ADARB2: variants seen among roughly 807,000 people sequenced by gnomAD.
ADARB2 encodes inactive double-stranded RNA-specific editase B2.
Under a neutral mutation model 62.2 loss-of-function variants are expected in ADARB2, and 25 were observed. That is an observed-to-expected ratio of 0.40 (90% CI 0.29 to 0.56). The LOEUF is 0.56. ADARB2 is among the 20% of genes least tolerant of loss of function. The probability of loss-of-function intolerance (pLI) is 0.43; values close to 1 mark genes in which losing one functional copy is unlikely to be tolerated. For synonymous variants in ADARB2, 572 were observed against 500.8 expected (o/e 1.14, Z -1.90); for missense variants, 1,071 against 1,077.4 (o/e 0.99, Z 0.08).
At chr10:1,645,295 G>C (rs1423200652) in intron 1 of ADARB2, among the ~76,000 whole-genome samples, 1 of 152,222 alleles carries the variant, frequency 6.6e-6, no homozygotes, top group African/African-American at 2.4e-5. Flanking sequence ...AAAGCCTTAG[G>C]TGTGGCAGAA....
At chr10:1,375,775 T>C (rs2805505) in intron 2 of ADARB2, among the ~76,000 whole-genome samples, 7,466 of 151,652 alleles carry the variant, frequency 0.049, 646 homozygotes, top group African/African-American at 0.17. Context: ...CACGCACACA[T>C]GTGCACACAC....
intron 1 of ADARB2, among the ~76,000 whole-genome samples, chr10:1,605,937 C>T (rs892059934): frequency 3.3e-5 from 5 of 152,192 alleles, no homozygotes; most frequent in Non-Finnish European, 5.9e-5. Flanking sequence ...ATAGAACAAT[C>T]AGTTTGGGTG....
chr10:1,639,962 C>T (rs2119055707), intron 1 of ADARB2, among the ~76,000 whole-genome samples: 1 of 152,294 alleles, frequency 6.6e-6, no homozygotes, highest in East Asian at 1.9e-4. Context: ...CACAGTGGTT[C>T]TTTGTGGAAC....
At chr10:1,514,171 G>GGAGTA (rs1831975680) in intron 1 of ADARB2, among the ~76,000 whole-genome samples, 1 of 21,374 alleles carries the variant, frequency 4.7e-5, no homozygotes, top group Non-Finnish European at 9.1e-5. Context: ...GTGAGACGCT[G>GGAGTA]TCTCAAAATA....
At chr10:1,613,422 A>G (rs973129935) in intron 1 of ADARB2, among the ~76,000 whole-genome samples, 6 of 152,340 alleles carry the variant, frequency 3.9e-5, no homozygotes, top group Middle Eastern at 3.4e-3. Context: ...CATCCATGAG[A>G]CATTCTTCAG....
intron 1 of ADARB2, among the ~76,000 whole-genome samples, chr10:1,628,157 G>A (rs1007403319): frequency 2.6e-5 from 4 of 152,240 alleles, no homozygotes; most frequent in African/African-American, 9.6e-5. Context: ...GCAAACGGGC[G>A]GCGATGCATT....
chr10:1,412,683 T>C (rs1443875601), intron 1 of ADARB2, among the ~76,000 whole-genome samples: 2 of 151,966 alleles, frequency 1.3e-5, no homozygotes, highest in Admixed American at 6.6e-5. Flanking sequence ...ATGAGTCAAT[T>C]TGTGGTTGCC....
chr10:1,648,051 GA>G (rs981578861), intron 1 of ADARB2, among the ~76,000 whole-genome samples: 11 of 152,194 alleles, frequency 7.2e-5, no homozygotes, highest in Admixed American at 7.2e-4. Flanking sequence ...AATCCAAGAA[GA>G]CTGCAGTTTA....
intron 1 of ADARB2, among the ~76,000 whole-genome samples, chr10:1,544,946 T>C: frequency 1.1e-4 from 1 of 9,258 alleles, no homozygotes; most frequent in Non-Finnish European, 6.5e-4. Flanking sequence ...AAGTCTATAA[T>C]AGCAAAGTAT....
At chr10:1,378,705 A>G (rs1832455858) in intron 2 of ADARB2, among the ~76,000 whole-genome samples, 1 of 152,054 alleles carries the variant, frequency 6.6e-6, no homozygotes, top group East Asian at 1.9e-4. Flanking sequence ...ATGACACTGA[A>G]AGTGAGGATG....
At chr10:1,515,200 C>T (rs1831993529) in intron 1 of ADARB2, among the ~76,000 whole-genome samples, 1 of 152,218 alleles carries the variant, frequency 6.6e-6, no homozygotes, top group Non-Finnish European at 1.5e-5. Context: ...GAATGTCAGC[C>T]TCAATGAGGC....
chr10:1,652,239 G>A (rs1157306103), intron 1 of ADARB2, among the ~76,000 whole-genome samples: 1 of 152,208 alleles, frequency 6.6e-6, no homozygotes. Context: ...CAGCATGGCT[G>A]CCCAGTCTCA....
intron 1 of ADARB2, among the ~76,000 whole-genome samples, chr10:1,484,197 T>C (rs541392506): frequency 6.6e-6 from 1 of 152,362 alleles, no homozygotes; most frequent in African/African-American, 2.4e-5. Context: ...CAGACTTTAT[T>C]TCTCTCATTT....
chr10:1,303,894 C>A (rs927177476), intron 3 of ADARB2, among the ~76,000 whole-genome samples: 9 of 151,898 alleles, frequency 5.9e-5, no homozygotes, highest in South Asian at 2.1e-4. Flanking sequence ...TGGAAAGGAA[C>A]AACCGGTACC....
intron 3 of ADARB2, among the ~76,000 whole-genome samples, chr10:1,341,693 G>A (rs565420525): frequency 3.3e-5 from 5 of 150,736 alleles, no homozygotes; most frequent in South Asian, 2.1e-4. Flanking sequence ...GCCCCACAGC[G>A]GGGATAACCA....
At chr10:1,224,963 G>T (rs1017070717) in intron 6 of ADARB2, among the ~76,000 whole-genome samples, 2 of 152,048 alleles carry the variant, frequency 1.3e-5, no homozygotes, top group African/African-American at 4.8e-5. Context: ...TTAATTCCTG[G>T]GTATCCTTGT....
chr10:1,210,019 C>T (rs574452727), intron 7 of ADARB2, among the ~76,000 whole-genome samples: 19 of 151,098 alleles, frequency 1.3e-4, no homozygotes, highest in East Asian at 3.9e-4. Context: ...CATGGAATTC[C>T]GTACCCAGAA....
intron 1 of ADARB2, among the ~76,000 whole-genome samples, chr10:1,691,112 GA>G (rs2119126149): frequency 1.3e-5 from 2 of 152,308 alleles, no homozygotes; most frequent in East Asian, 3.9e-4. Flanking sequence ...CACCTTCAAA[GA>G]GGCAATTAAG....
intron 1 of ADARB2, among the ~76,000 whole-genome samples, chr10:1,627,106 C>T (rs576141588): frequency 1.4e-4 from 21 of 152,130 alleles, no homozygotes; most frequent in Non-Finnish European, 2.6e-4. Context: ...GTCACCCACT[C>T]GAACTGGAGC....
Sources: gnomAD v4.1 joint callset for allele counts (sites outside exome capture counted in the v4.1 genomes callset) on GRCh38, gnomAD v4.1.1 for gene constraint, MANE v1.5 for transcripts, NCBI Gene and HGNC (gene_info 2026-07-23, HGNC 2026-07-21) for gene names.